TUT7: variants seen among roughly 807,000 people sequenced by gnomAD.
TUT7 encodes the protein terminal uridylyltransferase 7.
In TUT7, 33 loss-of-function variants were observed where a neutral mutation model predicts 165.9. That is an observed-to-expected ratio of 0.20 (90% CI 0.15 to 0.27). The LOEUF is 0.27. Among genes scored for constraint, TUT7 ranks in the 10% least tolerant of loss-of-function variants. The pLI is 1.00. For synonymous variants in TUT7, 552 were observed against 608.1 expected (o/e 0.91, Z 1.36); for missense variants, 1,338 against 1,762.3 (o/e 0.76, Z 4.31).
At chr9:86,318,279 T>C (rs1476975856) in intron 16 of TUT7, among the ~76,000 whole-genome samples, 3 of 152,246 alleles carry the variant, frequency 2.0e-5, no homozygotes, top group Admixed American at 2.0e-4. Context: ...TTGCACGCCA[T>C]ATGGTCTCTT....
In TUT7 at chr9:86,328,321, G is replaced by C; in HGVS notation, c.1608+19C>G. The stretch of plus-strand genomic sequence containing the variant: ...AATTGGCAAGTGAAACTGACAACTA[G>C]AAACAAAAGAGAACAGACCTGTCCC... On this transcript the variant is annotated intron_variant, in intron 11 of 26. Coordinates refer to ENST00000375963, the MANE Select transcript of TUT7 (RefSeq NM_024617.4). 6.5e-7 allele frequency: 1 copy of C among 1,544,166 alleles called. No homozygotes were observed. The highest frequency in any genetic ancestry group is 8.7e-7 in the Non-Finnish European group (1 of 1,147,372).
chr9:86,309,343 C>G, intron 20 of TUT7, 54 bp from the exon 21 acceptor site: 1 of 1,427,282 alleles, frequency 7.0e-7, no homozygotes, highest in South Asian at 1.2e-5. Context: ...TGCATTGATA[C>G]AAAAACTTCT....
chr9:86,347,678 T>C, intron 2 of TUT7, among the ~76,000 whole-genome samples: 1 of 151,972 alleles, frequency 6.6e-6, no homozygotes, highest in East Asian at 1.9e-4. Flanking sequence ...AATTAAAAAA[T>C]TAAAAAAAAT....
At chr9:86,310,066 G>T in intron 18 of TUT7, 49 bp from the exon 19 acceptor site, 2 of 1,386,458 alleles carry the variant, frequency 1.4e-6, no homozygotes, top group South Asian at 1.3e-5. Context: ...AGTGTAAAGG[G>T]TCTCTTTTTT....
chr9:86,304,759 A>T, intron 24 of TUT7, 97 bp downstream of exon 24: 1 of 787,730 alleles, frequency 1.3e-6, no homozygotes, highest in Non-Finnish European at 2.0e-6. Context: ...GGCTAGACTC[A>T]CAGACTTTCT....
intron 6 of TUT7, among the ~76,000 whole-genome samples, chr9:86,341,261 C>G (rs887834423): frequency 1.3e-5 from 2 of 152,158 alleles, no homozygotes; most frequent in Non-Finnish European, 2.9e-5. Context: ...GGGCAAGAGA[C>G]CTACTATACA....
intron 26 of TUT7, 109 bp downstream of exon 26, chr9:86,301,167 T>A (rs979355441): frequency 2.0e-6 from 2 of 1,019,100 alleles, no homozygotes; most frequent in African/African-American, 3.3e-5. Context: ...CTTTTTTGAG[T>A]AAATATATTG....
In TUT7 at chr9:86,326,779, T is replaced by C. The variant is rs1829834087; in HGVS notation, c.1609-1265A>G. Reference sequence around the variant, plus strand: ...ATGAGAACAATGTCTCAATGTCTCCTGATCTCAGTACAGTGCACACCATAT... The same window carrying C: ...ATGAGAACAATGTCTCAATGTCTCCCGATCTCAGTACAGTGCACACCATAT... On this transcript the variant is annotated intron_variant, in intron 11 of 26. Transcript: ENST00000375963. 2.0e-5 allele frequency among the ~76,000 whole-genome samples: 3 copies of C among 152,202 alleles called. No homozygotes were observed. In the South Asian group the frequency reaches 6.2e-4, roughly 31 times the overall value.
In TUT7 at chr9:86,311,667, C is replaced by G. The variant is rs969908207; in HGVS notation, c.3275-858G>C. Among the ~76,000 whole-genome samples, 1 of 152,164 alleles carries G rather than the reference C, an allele frequency of 6.6e-6. No individual in the cohort carries two copies. Among genetic ancestry groups the G allele is most frequent in the African/African-American group, 2.4e-5 (1 of 41,420 alleles). On this transcript the variant is annotated intron_variant, in intron 17 of 26. Coordinates refer to ENST00000375963, the MANE Select transcript of TUT7 (RefSeq NM_024617.4). The surrounding 1 kb of genome is among the most constrained non-coding windows in gnomAD (Gnocchi z 4.4). ...TCTGATGCCGGTCTCCCTCTGATGC[C>G]GAGCCGAAGCTGGACTGTACCGCTG...
At chr9:86,338,078 ATAATT>A (rs1186891847) in intron 9 of TUT7, among the ~76,000 whole-genome samples, 3 of 152,214 alleles carry the variant, frequency 2.0e-5, no homozygotes, top group African/African-American at 7.2e-5. Flanking sequence ...TATTATAATT[ATAATT>A]TAGCCAGTGA....
chr9:86,310,286 C>A (rs115546325), intron 18 of TUT7, among the ~76,000 whole-genome samples: 2 of 151,874 alleles, frequency 1.3e-5, no homozygotes, highest in Non-Finnish European at 2.9e-5. Flanking sequence ...AGGAAGAAGA[C>A]ATTTCAACTG....
chr9:86,312,185 T>C lies in TUT7; in HGVS notation c.3275-1376A>G, dbSNP rs542521506. ...CATCTAGGAAGTGAGGAGCGCCTCT[T>C]CCCGGCCGCCATCCCATCTAGGAAG... On this transcript the variant is annotated intron_variant, in intron 17 of 26. Coordinates refer to ENST00000375963, the MANE Select transcript of TUT7 (RefSeq NM_024617.4). Among the ~76,000 whole-genome samples the C allele has an allele frequency of 1.7e-3, 246 of 142,798 alleles. 2 individuals carry two copies. Among genetic ancestry groups the C allele is most frequent in the African/African-American group, 6.0e-3 (226 of 37,746 alleles). 93.7% of individuals were successfully genotyped at this position (142,798 alleles called of 152,430 possible).
At chr9:86,306,375 G>A (rs7037424) in intron 22 of TUT7, among the ~76,000 whole-genome samples, 47,583 of 151,992 alleles carry the variant, frequency 0.31, 8,868 homozygotes, top group African/African-American at 0.5. Flanking sequence ...CAACCCTGCA[G>A]TAATTATTGC....
rs760537125 is a variant in TUT7 at position 86,313,772 on chromosome 9, G to A, written c.3275-2963C>T. Among the ~76,000 whole-genome samples the A allele has an allele frequency of 9.2e-5, 14 of 152,306 alleles. No individual in the cohort carries two copies. The East Asian group carries it at 1.5e-3, about 17-fold the overall frequency. On this transcript the variant is annotated intron_variant, in intron 17 of 26. Transcript: ENST00000375963. ...GAGTTGGTTCCTGCAGAAGGGAAGC[G>A]GTAAAGTGAAAGATAAGCTCATTCT...
At chr9:86,341,079 G>T in intron 6 of TUT7, 26 bp from the exon 7 acceptor site, 1 of 1,589,368 alleles carries the variant, frequency 6.3e-7, no homozygotes, top group Non-Finnish European at 8.6e-7. Flanking sequence ...ATGAATACAT[G>T]AAATTATTCC....
chr9:86,348,269 C>T (rs1219105094), intron 2 of TUT7, among the ~76,000 whole-genome samples: 1 of 152,204 alleles, frequency 6.6e-6, no homozygotes, highest in African/African-American at 2.4e-5. Flanking sequence ...ATAATGGCAG[C>T]TACCATGATG....
chr9:86,337,613 T>C (rs946385728), intron 9 of TUT7, 75 bp from the exon 10 acceptor site: 4 of 1,496,028 alleles, frequency 2.7e-6, no homozygotes, highest in Non-Finnish European at 3.6e-6. Flanking sequence ...GCCTAAAACC[T>C]GTAACCTCAT....
chr9:86,339,611 C>T (rs1831156621), intron 8 of TUT7, among the ~76,000 whole-genome samples: 1 of 152,146 alleles, frequency 6.6e-6, no homozygotes, highest in South Asian at 2.1e-4. Flanking sequence ...AATGAAGAAT[C>T]ATTACAGCCT....
intron 2 of TUT7, among the ~76,000 whole-genome samples, chr9:86,350,194 G>A (rs2131618579): frequency 6.6e-6 from 1 of 152,226 alleles, no homozygotes; most frequent in African/African-American, 2.4e-5. Context: ...AGCTAGGTGT[G>A]GTGGCACGTG....
Sources: gnomAD v4.1 joint callset for allele counts (sites outside exome capture counted in the v4.1 genomes callset) on GRCh38, gnomAD v4.1.1 for gene constraint, Gnocchi (gnomAD v3.1) non-coding constraint, MANE v1.5 for transcripts, NCBI Gene and HGNC (gene_info 2026-07-23, HGNC 2026-07-21) for gene names.